The following ATM variants were observed in gnomAD, a reference collection of about 807,000 sequenced individuals.
ATM encodes the protein serine-protein kinase ATM.
A neutral mutation model predicts 387.0 loss-of-function variants in ATM; 308 were observed. The observed-to-expected ratio is 0.80, with a 90% confidence interval of 0.73 to 0.87. The LOEUF (loss-of-function observed/expected upper bound fraction) is 0.87, where lower values mean the gene tolerates loss of function less well. ATM is among the 40% of genes least tolerant of loss of function. The pLI is 0.00. For synonymous variants in ATM, 1,156 were observed against 1,187.3 expected, an observed-to-expected ratio of 0.97 and a Z score of 0.54; for missense variants, 3,312 against 3,560.9, an observed-to-expected ratio of 0.93 and a Z score of 1.78.
chr11:108,332,583 G>A (rs1049844143), intron 52 of ATM, among the ~76,000 whole-genome samples, 179 bp from the exon 53 acceptor site: 4 of 152,132 alleles, frequency 2.6e-5, no homozygotes, highest in Admixed American at 6.5e-5. Flanking sequence ...AGTCATTGAC[G>A]AGAGTATGTA....
chr11:108,348,278 T>C (rs1324859010), intron 59 of ATM, among the ~76,000 whole-genome samples: 1 of 151,822 alleles, frequency 6.6e-6, no homozygotes, highest in Non-Finnish European at 1.5e-5. Flanking sequence ...CTAAGGAATA[T>C]ATCAAGTTTT....
intron 26 of ATM, 68 bp from the exon 27 acceptor site, chr11:108,287,525 ATATATGC>A: frequency 1.1e-6 from 1 of 896,606 alleles, no homozygotes; most frequent in Non-Finnish European, 1.8e-6. Flanking sequence ...AAATAAGGTA[ATATATGC>A]CTTTTGAGCT....
intron 25 of ATM, among the ~76,000 whole-genome samples, chr11:108,283,084 C>T (rs908663967): frequency 3.9e-5 from 6 of 152,136 alleles, no homozygotes; most frequent in African/African-American, 1.4e-4. Flanking sequence ...CCTAGCTGTG[C>T]CAACAACCAG....
rs2079250842 is a variant in ATM, at chr11:108,235,848, GT to G, written c.496+16del. On this transcript the variant is annotated intron_variant, in intron 5 of 62. Coordinates refer to ENST00000675843, the MANE Select transcript of ATM (RefSeq NM_000051.4). The stretch of plus-strand genomic sequence containing the variant: ...AACAGTGGTTAGGTATGTTTTGAAG[GT>G]TGTTGTTTGTGAATTTTTCCTCATG... The G allele has an allele frequency of 6.2e-7, 1 of 1,613,452 alleles. No homozygotes were observed. Among genetic ancestry groups the G allele is most frequent in the African/African-American group, 1.3e-5 (1 of 74,876 alleles).
rs147472613 is a variant in ATM, at chr11:108,250,736, C to T, written c.1271C>T (p.Pro424Leu). ...GCAACCCAATTAATATCAAAGTATC[C>T]TGCAAGTTTACCTAACTGTGAGCTG... ...QIATQLISKY[P>L]ASLPNCELSP... is the part of the protein sequence containing the mutation. Residue 424 changes from proline (P) to leucine (L), a missense_variant, in exon 10 of 63, where the codon CCT (proline) becomes CTT (leucine). By Grantham distance (98) the Pro-to-Leu change is moderately conservative (BLOSUM62 -3). Coordinates refer to ENST00000675843, the MANE Select transcript of ATM (RefSeq NM_000051.4). 6.2e-7 allele frequency: 1 copy of T among 1,608,262 alleles called. No individual in the cohort carries two copies. Among genetic ancestry groups the T allele is most frequent in the Non-Finnish European group, 8.5e-7 (1 of 1,179,124 alleles).
intron 58 of ATM, 106 bp from the exon 59 acceptor site, chr11:108,347,173 C>A: frequency 2.2e-6 from 2 of 900,928 alleles, no homozygotes; most frequent in Non-Finnish European, 3.7e-6. Context: ...AAATCCTAAA[C>A]TACTTAAAGA....
chr11:108,223,904 T>A (rs2078611824), intron 1 of ATM: 1 of 152,206 alleles, frequency 6.6e-6, no homozygotes, highest in African/African-American at 2.4e-5. Flanking sequence ...ACCCTGAAGC[T>A]CCAGCGTGAG....
At chr11:108,363,655 G>A (rs1050296162) in intron 61 of ATM, among the ~76,000 whole-genome samples, 1 of 152,166 alleles carries the variant, frequency 6.6e-6, no homozygotes, top group African/African-American at 2.4e-5. Flanking sequence ...CATCCAAAAT[G>A]ACAATAGTGC....
At chr11:108,336,185 C>T (rs1363689179) in intron 56 of ATM, 1 of 444,482 alleles carries the variant, frequency 2.2e-6, no homozygotes, top group African/African-American at 2.0e-5. Flanking sequence ...TGCTTGTAGT[C>T]CCTTAGCTAC....
At chr11:108,350,854 A>G (rs2089115053) in intron 59 of ATM, among the ~76,000 whole-genome samples, 1 of 151,850 alleles carries the variant, frequency 6.6e-6, no homozygotes, top group Non-Finnish European at 1.5e-5. Context: ...GTAAATTGGT[A>G]CAACCCCTTT....
In ATM at chr11:108,271,301, T is replaced by C. The variant is rs1227701474; in HGVS notation, c.2972T>C (p.Leu991Ser). 2 of 1,614,090 alleles carry C rather than the reference T, an allele frequency of 1.2e-6. No homozygotes were observed. Among genetic ancestry groups the C allele is most frequent in the Non-Finnish European group, 1.7e-6 (2 of 1,179,996 alleles). ...GACCAAGATGTTTGTAAAACTATTT[T>C]AAACCATGTCCTTCATGTAGTGAAA... Reference protein sequence around the residue: ...RRDQDVCKTILNHVLHVVKNL... With the variant: ...RRDQDVCKTISNHVLHVVKNL... The change falls in exon 20 of 63, where the codon TTA (leucine) becomes TCA (serine). Residue 991 changes from leucine (L) to serine (S), a missense_variant. Transcript: ENST00000675843.
intron 61 of ATM, among the ~76,000 whole-genome samples, chr11:108,363,044 T>C (rs1327581972): frequency 2.0e-5 from 3 of 152,152 alleles, no homozygotes; most frequent in Admixed American, 6.5e-5. Flanking sequence ...CTACCTAATC[T>C]TCCCTCCGTA....
At chr11:108,281,503 G>A (rs116846801) in intron 24 of ATM, among the ~76,000 whole-genome samples, 31 of 152,252 alleles carry the variant, frequency 2.0e-4, no homozygotes, top group African/African-American at 6.7e-4. Flanking sequence ...TGTTTTGCCC[G>A]GTAGATTCTG....
rs763108858 is a variant in ATM at position 108,250,959 on chromosome 11, G to A, written c.1494G>A (p.Glu498=). ...WCITFRGISS[E]QIQAENFGLL... is the part of the protein sequence containing the mutation. Reference sequence around the variant, plus strand: ...TTACCTTTCGTGGTATAAGTTCTGAGCAAATACAAGCTGAAAACTTTGGCT... The same window carrying A: ...TTACCTTTCGTGGTATAAGTTCTGAACAAATACAAGCTGAAAACTTTGGCT... Residue 498 remains glutamate (E), a synonymous_variant, in exon 10 of 63, where the codon GAG becomes GAA. Coordinates refer to ENST00000675843, the MANE Select transcript of ATM (RefSeq NM_000051.4). 1.1e-5 allele frequency: 18 copies of A among 1,614,032 alleles called. No individual in the cohort carries two copies. The highest frequency in any genetic ancestry group is 1.5e-5 in the Non-Finnish European group (18 of 1,180,020).
chr11:108,353,892 G>A lies in ATM; in HGVS notation c.8786+12G>A, dbSNP rs767836309. On this transcript the variant is annotated intron_variant, in intron 60 of 62. Transcript: ENST00000675843. ...GGTGTCTTCAGAAGGTAAGTGATAT[G>A]AAGTAAAGGAGGGAAATAATTTTTG... 12 of 1,601,442 alleles carry A rather than the reference G, an allele frequency of 7.5e-6. No homozygotes were observed. Among genetic ancestry groups the A allele is most frequent in the Admixed American group, 1.7e-5 (1 of 59,980 alleles).
intron 61 of ATM, among the ~76,000 whole-genome samples, chr11:108,359,881 A>G (rs147385157): frequency 0.014 from 2,089 of 152,304 alleles, 56 homozygotes; most frequent in African/African-American, 0.047. Flanking sequence ...ATCACAATTA[A>G]AAGAGCTAGA....
At chr11:108,241,184 G>C (rs980054442) in intron 5 of ATM, among the ~76,000 whole-genome samples, 2 of 152,162 alleles carry the variant, frequency 1.3e-5, no homozygotes, top group Non-Finnish European at 2.9e-5. Flanking sequence ...GATCTTCAGG[G>C]ACATGCACAG....
chr11:108,315,680 T>C, intron 40 of ATM, 143 bp from the exon 41 acceptor site: 1 of 696,986 alleles, frequency 1.4e-6, no homozygotes. Context: ...CAGAACTGTA[T>C]TTCAGAATCA....
chr11:108,254,776 C>T (rs550120772), intron 13 of ATM, among the ~76,000 whole-genome samples: 3 of 152,124 alleles, frequency 2.0e-5, no homozygotes, highest in Non-Finnish European at 2.9e-5. Context: ...CTCAGTCTTC[C>T]GAGTAGCTGG....
Sources: gnomAD v4.1 joint callset for allele counts (sites outside exome capture counted in the v4.1 genomes callset) on GRCh38, gnomAD v4.1.1 for gene constraint, MANE v1.5 for transcripts, NCBI Gene and HGNC (gene_info 2026-07-23, HGNC 2026-07-21) for gene names.